Variants in TPST2 observed in about 807,000 individuals in gnomAD.
TPST2 encodes tyrosylprotein sulfotransferase 2.
A neutral mutation model predicts 27.8 loss-of-function variants in TPST2; 16 were observed. That is an observed-to-expected ratio of 0.58 (90% confidence interval 0.39 to 0.88). TPST2 has a LOEUF of 0.88. Among genes scored for constraint, TPST2 ranks in the 40% least tolerant of loss-of-function variants. The pLI is 0.00. For missense variants in TPST2, 464 were observed against 543.1 expected, an observed-to-expected ratio of 0.85 and a Z score of 1.45; for synonymous variants, 229 against 231.7, an observed-to-expected ratio of 0.99 and a Z score of 0.10.
chr22:26,549,868 A>T lies in TPST2; in HGVS notation c.-160-5193T>A, dbSNP rs895397177. Among the ~76,000 whole-genome samples the T allele has an allele frequency of 1.6e-4, 8 of 50,692 alleles. No individual in the cohort carries two copies. The East Asian group carries it at 1.9e-3, about 12-fold the overall frequency. 33.3% of individuals were successfully genotyped at this position (50,692 alleles called of 152,430 possible). ...ACACGGTGAAACCCCCCTCTCTACT[A>T]AAAAAAAAAAAAAAAAAAAATTAGC... On this transcript the variant is annotated intron_variant, in intron 1 of 6. Transcript: ENST00000338754.
In TPST2 at chr22:26,536,337, G is replaced by A; in HGVS notation, c.992C>T (p.Pro331Leu). ...GGGGTCAGGGTTGCCATAGTTGGGG[G>A]GGTTTGCATAAGGGTCATAGCCGAG... ...AQLGYDPYAN[P>L]PNYGNPDPFV... The change falls in exon 4 of 7, where the codon CCC becomes CTC. Residue 331 changes from proline (P) to leucine (L), a missense_variant. Physicochemically the swap from Pro to Leu is moderately conservative, Grantham distance 98. Transcript: ENST00000338754. 1 of 1,614,138 alleles carries A rather than the reference G, an allele frequency of 6.2e-7. No individual in the cohort carries two copies. The highest frequency in any genetic ancestry group is 8.5e-7 in the Non-Finnish European group (1 of 1,179,988).
chr22:26,545,201 T>C (rs574011593), intron 1 of TPST2, among the ~76,000 whole-genome samples: 1 of 152,292 alleles, frequency 6.6e-6, no homozygotes, highest in East Asian at 1.9e-4. Context: ...ACTGACCAAA[T>C]GCTGACCACG....
In TPST2 at chr22:26,522,022, C is replaced by A. The variant is rs753498458; in HGVS notation, c.*4253G>T. ...TGGTTCATCACAACCTTTTATTTCA[C>A]AATATTAATAGTAATCATTATAGCT... On this transcript the variant is annotated 3_prime_UTR_variant, in exon 7 of 7. Coordinates refer to ENST00000338754, the MANE Select transcript of TPST2 (RefSeq NM_003595.5). The A allele has an allele frequency of 1.3e-5, 2 of 152,124 alleles. No individual in the cohort carries two copies. The highest frequency in any genetic ancestry group is 2.9e-5 in the Non-Finnish European group (2 of 68,028). 9.4% of individuals were successfully genotyped at this position (152,124 alleles called of 1,614,324 possible). A position where few individuals can be genotyped will look rare whatever the true frequency, so the allele number is the denominator to read the frequency against.
intron 1 of TPST2, among the ~76,000 whole-genome samples, chr22:26,558,865 T>C (rs375435766): frequency 5.3e-5 from 8 of 152,114 alleles, no homozygotes; most frequent in South Asian, 2.1e-4. Flanking sequence ...AAACAAAAAA[T>C]ATAAAGTGTT....
In TPST2 at chr22:26,588,273, A is replaced by G. The variant is rs140639319; in HGVS notation, c.-161+1780T>C. Among the ~76,000 whole-genome samples, 1,372 of 152,332 alleles carry G rather than the reference A, an allele frequency of 9.0e-3. 15 individuals are homozygous for G. Among genetic ancestry groups the G allele is most frequent in the South Asian group, 0.019 (90 of 4,826 alleles). ...ACCTTAGAAACATTCTCTGAAGTGA[A>G]AAGCATCAGATACCAAAGGCCACAT... On this transcript the variant is annotated intron_variant, in intron 1 of 6. Transcript: ENST00000338754.
At chr22:26,531,765 G>A (rs935465265) in intron 5 of TPST2, among the ~76,000 whole-genome samples, 7 of 152,166 alleles carry the variant, frequency 4.6e-5, no homozygotes, top group Non-Finnish European at 1.0e-4. Context: ...CCCCACTTTA[G>A]ATGCCAGCTG....
Position 26,536,479 on chromosome 22 carries a change from G to T in TPST2, c.850C>A (p.Arg284=). The change falls in exon 4 of 7, where the codon CGG becomes AGG. Residue 284 remains arginine (R), a synonymous_variant. Transcript: ENST00000338754. ...PGGVSLSKIE[R]STDQVIKPVN... The stretch of plus-strand genomic sequence containing the variant: ...GGCTTGATGACCTGGTCCGTGGACC[G>T]CTCGATCCTGGGGAGAGAGGAGACG... 15 of 1,530,674 alleles carry T rather than the reference G, an allele frequency of 9.8e-6. No homozygotes were observed. Among genetic ancestry groups the T allele is most frequent in the Non-Finnish European group, 1.3e-5 (15 of 1,139,058 alleles). 94.8% of individuals were successfully genotyped at this position (1,530,674 alleles called of 1,614,324 possible). A position where few individuals can be genotyped will look rare whatever the true frequency, so the allele number is the denominator to read the frequency against.
At position 26,541,754 on chromosome 22, in the gene TPST2, T is replaced by TCTGTGAG; in HGVS notation, c.-88-43_-88-37dup. On this transcript the variant is annotated intron_variant, in intron 2 of 6. Transcript: ENST00000338754. This position sits in a 1 kb window ranked among gnomAD's most constrained non-coding sequence, Gnocchi z 5.9. ...AGGGGGACATGCATAGTCAGGGAGG[T>TCTGTGAG]CTGTGAGCTGTGAGCTCTCCAATAA... 1 of 1,435,234 alleles carries TCTGTGAG rather than the reference T, an allele frequency of 7.0e-7. No individual in the cohort carries two copies. The highest frequency in any genetic ancestry group is 2.5e-5 in the East Asian group (1 of 39,546). 88.9% of individuals were successfully genotyped at this position (1,435,234 alleles called of 1,614,324 possible).
intron 3 of TPST2, among the ~76,000 whole-genome samples, chr22:26,537,103 T>C (rs1348921682): frequency 6.6e-6 from 1 of 152,172 alleles, no homozygotes; most frequent in Non-Finnish European, 1.5e-5. Context: ...CATGAATATT[T>C]TGTCCCTAAA....
intron 1 of TPST2, among the ~76,000 whole-genome samples, chr22:26,574,559 G>C (rs1017884653): frequency 6.6e-6 from 1 of 152,292 alleles, no homozygotes; most frequent in Middle Eastern, 3.4e-3. Context: ...GCCCAGGAAC[G>C]AGCAAGCCAT....
chr22:26,561,139 A>G (rs2147218859), intron 1 of TPST2: 1 of 1,607,038 alleles, frequency 6.2e-7, no homozygotes, highest in East Asian at 2.2e-5. Flanking sequence ...GAAGAAGATG[A>G]AGATGAAGAA....
At chr22:26,566,782 A>C (rs1052408827) in intron 1 of TPST2, among the ~76,000 whole-genome samples, 10 of 151,788 alleles carry the variant, frequency 6.6e-5, no homozygotes, top group Admixed American at 6.6e-4. Context: ...CAAACAAACA[A>C]ACAAACTCCT....
At chr22:26,579,677 G>A (rs1174446381) in intron 1 of TPST2, among the ~76,000 whole-genome samples, 1 of 152,210 alleles carries the variant, frequency 6.6e-6, no homozygotes, top group Non-Finnish European at 1.5e-5. Flanking sequence ...TTTTTAATGA[G>A]AGAAAGGAAG....
intron 4 of TPST2, among the ~76,000 whole-genome samples, chr22:26,535,452 T>A (rs939894657): frequency 2.6e-5 from 4 of 152,218 alleles, no homozygotes; most frequent in African/African-American, 9.7e-5. Flanking sequence ...ACTGTTCTTT[T>A]ACCCAGTGGG....
At chr22:26,553,219 C>T (rs1334530570) in intron 1 of TPST2, among the ~76,000 whole-genome samples, 2 of 151,940 alleles carry the variant, frequency 1.3e-5, no homozygotes, top group African/African-American at 2.4e-5. Context: ...ACCCAGGTGG[C>T]CAGCCTTTGG....
chr22:26,554,701 G>A (rs1926690148), intron 1 of TPST2, among the ~76,000 whole-genome samples: 1 of 152,246 alleles, frequency 6.6e-6, no homozygotes, highest in African/African-American at 2.4e-5. Flanking sequence ...ACTTTGGGAG[G>A]CCAAGGTGGG....
intron 1 of TPST2, among the ~76,000 whole-genome samples, chr22:26,577,652 T>C (rs1322354386): frequency 1.8e-5 from 1 of 55,824 alleles, no homozygotes; most frequent in Non-Finnish European, 3.6e-5. Flanking sequence ...CCCGGCCATT[T>C]TTTTTTTTTT....
chr22:26,557,782 CAT>C (rs1418685699), intron 1 of TPST2, among the ~76,000 whole-genome samples: 1 of 93,020 alleles, frequency 1.1e-5, no homozygotes, highest in Non-Finnish European at 2.4e-5. Flanking sequence ...CGTGGTGGCC[CAT>C]GTCTGTAATC....
intron 1 of TPST2, among the ~76,000 whole-genome samples, chr22:26,581,130 A>G (rs1928095635): frequency 1.3e-5 from 2 of 151,682 alleles, no homozygotes. Context: ...CACACCTCCA[A>G]ACTTTTGCAC....
Sources: gnomAD v4.1 joint callset for allele counts (sites outside exome capture counted in the v4.1 genomes callset) on GRCh38, gnomAD v4.1.1 for gene constraint, Gnocchi (gnomAD v3.1) non-coding constraint, MANE v1.5 for transcripts, NCBI Gene and HGNC (gene_info 2026-07-23, HGNC 2026-07-21) for gene names.